Variants in SDK1 observed in about 807,000 individuals in gnomAD.
The protein encoded by SDK1 is sidekick cell adhesion molecule 1, also known as protein sidekick-1.
In SDK1, 157 loss-of-function variants were observed where a neutral mutation model predicts 245.5. The ratio of observed to expected loss-of-function variants is 0.64; its 90% CI spans 0.56 to 0.73. The LOEUF (loss-of-function observed/expected upper bound fraction) is 0.73, where lower values mean the gene tolerates loss of function less well. SDK1 is among the 30% of genes least tolerant of loss of function. The pLI is 0.00. For missense variants in SDK1, 3,583 were observed against 3,002.3 expected (o/e 1.19, Z -4.52); for synonymous variants, 1,647 against 1,278.5 (o/e 1.29, Z -6.15).
chr7:3,333,175 C>T lies in SDK1; in HGVS notation c.298+31291C>T, dbSNP rs79421621. Among the ~76,000 whole-genome samples, 8 of 152,152 alleles carry T rather than the reference C, an allele frequency of 5.3e-5. 1 individual carries two copies. The East Asian group carries it at 9.7e-4, about 18-fold the overall frequency. ...GCTTCCTGTGGTTCTGTTGCTTTGT[C>T]GGGGGAGGGAGGGTACCTGATTTCT... On this transcript the variant is annotated intron_variant, in intron 1 of 44. Transcript: ENST00000404826.
chr7:3,916,669 G>A (rs917266387), intron 5 of SDK1, among the ~76,000 whole-genome samples: 3 of 152,146 alleles, frequency 2.0e-5, no homozygotes, highest in Non-Finnish European at 4.4e-5. Context: ...TGTGTGCATT[G>A]CATTTCTAGG....
chr7:3,631,010 C>T (rs139741882), intron 2 of SDK1, among the ~76,000 whole-genome samples: 6 of 152,054 alleles, frequency 3.9e-5, no homozygotes, highest in African/African-American at 1.4e-4. Context: ...ATGGTTCACT[C>T]CAGCTTCTGC....
intron 4 of SDK1, among the ~76,000 whole-genome samples, chr7:3,732,777 C>G (rs1779216421): frequency 6.6e-6 from 1 of 152,166 alleles, no homozygotes. Context: ...TTCAATAAGC[C>G]TCATATGGCC....
intron 5 of SDK1, among the ~76,000 whole-genome samples, chr7:3,824,164 T>C (rs1779714112): frequency 6.6e-6 from 1 of 152,116 alleles, no homozygotes; most frequent in Non-Finnish European, 1.5e-5. Flanking sequence ...ATGCGTCTCT[T>C]CACCAGATTT....
intron 1 of SDK1, among the ~76,000 whole-genome samples, chr7:3,513,480 T>G (rs1431141311): frequency 1.3e-5 from 2 of 152,074 alleles, no homozygotes; most frequent in Non-Finnish European, 2.9e-5. Context: ...TTCAGTGCAA[T>G]AGAAGAAATC....
At chr7:3,716,829 T>A (rs948114639) in intron 4 of SDK1, among the ~76,000 whole-genome samples, 2 of 149,762 alleles carry the variant, frequency 1.3e-5, no homozygotes, top group Non-Finnish European at 3.0e-5. Context: ...AATGTGTTGC[T>A]ATAATAGTTA....
intron 1 of SDK1, among the ~76,000 whole-genome samples, chr7:3,442,194 A>G (rs1338594785): frequency 6.6e-6 from 1 of 152,236 alleles, no homozygotes; most frequent in Non-Finnish European, 1.5e-5. Context: ...GTTATGAAGG[A>G]AAGAGATCAG....
intron 4 of SDK1, among the ~76,000 whole-genome samples, chr7:3,800,900 G>A (rs1779091671): frequency 6.6e-6 from 1 of 152,134 alleles, no homozygotes; most frequent in Non-Finnish European, 1.5e-5. Flanking sequence ...TGGCCTAGTG[G>A]ACTTGTCCTT....
At chr7:3,826,480 C>G (rs574567887) in intron 5 of SDK1, among the ~76,000 whole-genome samples, 1 of 152,178 alleles carries the variant, frequency 6.6e-6, no homozygotes, top group Non-Finnish European at 1.5e-5. Flanking sequence ...ACAAGTGTTC[C>G]TGCTGCCGTT....
intron 28 of SDK1, among the ~76,000 whole-genome samples, chr7:4,141,207 C>T (rs763404533): frequency 1.5e-4 from 23 of 152,288 alleles, no homozygotes; most frequent in African/African-American, 2.4e-4. Flanking sequence ...GTGTAGTCTG[C>T]GGCATGGCCA....
rs183229109 is a variant in SDK1, at chr7:3,620,394, C to A, written c.458+1155C>A. ...CTTGGCTCACTGCAACCTCCACCTT[C>A]TGGGTTCAAATGATTCTCCTGCCTC... On this transcript the variant is annotated intron_variant, in intron 2 of 44. Coordinates refer to ENST00000404826, the MANE Select transcript of SDK1 (RefSeq NM_152744.4). Among the ~76,000 whole-genome samples, 196 of 152,030 alleles carry A rather than the reference C, an allele frequency of 1.3e-3. 1 individual carries two copies. Among genetic ancestry groups the A allele is most frequent in the Non-Finnish European group, 1.8e-4 (12 of 68,016 alleles).
chr7:4,062,314 T>G (rs886486137), intron 19 of SDK1, among the ~76,000 whole-genome samples: 1 of 152,114 alleles, frequency 6.6e-6, no homozygotes, highest in African/African-American at 2.4e-5. Context: ...AAATATCATT[T>G]GAGACTCTTA....
At chr7:3,535,594 T>G (rs775369460) in intron 1 of SDK1, among the ~76,000 whole-genome samples, 27 of 152,210 alleles carry the variant, frequency 1.8e-4, no homozygotes, top group Non-Finnish European at 3.4e-4. Context: ...GCGGGCCTTC[T>G]ATAACATGGT....
At chr7:3,457,296 C>T (rs945077260) in intron 1 of SDK1, among the ~76,000 whole-genome samples, 1 of 152,190 alleles carries the variant, frequency 6.6e-6, no homozygotes, top group African/African-American at 2.4e-5. Context: ...GTTGTCCCTT[C>T]AGTCTTGGCC....
At chr7:3,336,027 C>G (rs1026140185) in intron 1 of SDK1, among the ~76,000 whole-genome samples, 2 of 152,152 alleles carry the variant, frequency 1.3e-5, no homozygotes, top group Non-Finnish European at 2.9e-5. Context: ...GTACAGGGCA[C>G]TGCAGAAGCC....
At chr7:3,868,122 A>G (rs976760225) in intron 5 of SDK1, among the ~76,000 whole-genome samples, 1 of 152,218 alleles carries the variant, frequency 6.6e-6, no homozygotes, top group Non-Finnish European at 1.5e-5. Flanking sequence ...TTCAAAAGAA[A>G]TGACCCAAAG....
intron 4 of SDK1, among the ~76,000 whole-genome samples, chr7:3,761,553 C>CA (rs1307806673): frequency 0.062 from 6,125 of 99,338 alleles, 359 homozygotes; most frequent in African/African-American, 0.16. Flanking sequence ...GACTCCATCT[C>CA]AAAAAAAAAA....
intron 17 of SDK1, among the ~76,000 whole-genome samples, chr7:4,048,987 T>A (rs1789236241): frequency 6.6e-6 from 1 of 152,148 alleles, no homozygotes; most frequent in Non-Finnish European, 1.5e-5. Context: ...GAGGGAGGAT[T>A]TCTAGATGAA....
At chr7:3,799,080 G>A (rs1779039465) in intron 4 of SDK1, among the ~76,000 whole-genome samples, 1 of 152,120 alleles carries the variant, frequency 6.6e-6, no homozygotes, top group South Asian at 2.1e-4. Context: ...GTAATTGTAT[G>A]GATTTAATGT....
Sources: allele counts gnomAD v4.1 joint callset (sites outside exome capture counted in the v4.1 genomes callset), GRCh38; gene constraint gnomAD v4.1.1; transcripts MANE v1.5; gene names NCBI Gene and HGNC (gene_info 2026-07-23, HGNC 2026-07-21).